RAPGEF4: variants seen among roughly 807,000 people sequenced by gnomAD.
The protein encoded by RAPGEF4 is Rap guanine nucleotide exchange factor 4.
In RAPGEF4, 66 loss-of-function variants were observed where a neutral mutation model predicts 147.9. That is an observed-to-expected ratio of 0.45 (90% CI 0.37 to 0.55). The LOEUF (loss-of-function observed/expected upper bound fraction) is 0.55, where lower values mean the gene tolerates loss of function less well. Among genes scored for constraint, RAPGEF4 ranks in the 20% least tolerant of loss-of-function variants. The pLI is 0.00. For synonymous variants in RAPGEF4, 419 were observed against 442.7 expected, an observed-to-expected ratio of 0.95 and a Z score of 0.67; for missense variants, 1,071 against 1,257.3, an observed-to-expected ratio of 0.85 and a Z score of 2.24.
chr2:172,917,841 T>C lies in RAPGEF4; in HGVS notation c.484T>C (p.Tyr162His). 6.2e-7 allele frequency: 1 copy of C among 1,613,870 alleles called. No homozygotes were observed. The highest frequency in any genetic ancestry group is 8.5e-7 in the Non-Finnish European group (1 of 1,179,776). Residue 162 changes from tyrosine (Y) to histidine (H), a missense_variant, in exon 5 of 31, where the codon TAT (tyrosine) becomes CAT (histidine). Coordinates refer to ENST00000397081, the MANE Select transcript of RAPGEF4 (RefSeq NM_007023.4). ...TATGGCAGGACTTCTGGCTCCTCCTTATGGTGTTATGGAAACGGGCTCTAA... is the reference window on the plus strand; with the variant it reads ...TATGGCAGGACTTCTGGCTCCTCCTCATGGTGTTATGGAAACGGGCTCTAA... ...QYMAGLLAPP[Y>H]GVMETGSNND...
chr2:172,859,957 G>A (rs545600160), intron 4 of RAPGEF4: 100 of 880,454 alleles, frequency 1.1e-4, no homozygotes, highest in East Asian at 1.2e-4. Context: ...ATCCTTGTCC[G>A]GGAGTGACTG....
chr2:173,051,575 AG>A, intron 30 of RAPGEF4, 64 bp from the exon 31 acceptor site: 1 of 1,493,806 alleles, frequency 6.7e-7, no homozygotes, highest in Non-Finnish European at 9.1e-7. Flanking sequence ...TAATTGGAGA[AG>A]TAAGATTGTA....
intron 29 of RAPGEF4, among the ~76,000 whole-genome samples, chr2:173,044,372 C>A (rs1041678322): frequency 1.5e-4 from 23 of 152,142 alleles, no homozygotes; most frequent in African/African-American, 5.6e-4. Context: ...GGGTGGTGAC[C>A]AAGGCTGGGA....
intron 4 of RAPGEF4, among the ~76,000 whole-genome samples, chr2:172,823,849 T>G (rs1448472591): frequency 6.6e-6 from 1 of 152,238 alleles, no homozygotes; most frequent in African/African-American, 2.4e-5. Context: ...GGCCTGAGAT[T>G]CTGGTCTATT....
intron 1 of RAPGEF4, among the ~76,000 whole-genome samples, chr2:172,766,066 C>G (rs761320087): frequency 6.6e-6 from 1 of 151,904 alleles, no homozygotes; most frequent in African/African-American, 2.4e-5. Context: ...AGTTCTTGTC[C>G]CTTAAAAATG....
intron 6 of RAPGEF4, among the ~76,000 whole-genome samples, chr2:172,936,478 A>G (rs1402934790): frequency 6.6e-6 from 1 of 152,192 alleles, no homozygotes; most frequent in Non-Finnish European, 1.5e-5. Context: ...CACTGTATAT[A>G]TAGTTTCATA....
At chr2:172,817,975 T>TAC (rs1419084205) in intron 4 of RAPGEF4, among the ~76,000 whole-genome samples, 34 of 148,224 alleles carry the variant, frequency 2.3e-4, no homozygotes, top group East Asian at 3.9e-4. Context: ...TATATATATA[T>TAC]ACACACACAC....
At chr2:172,875,286 C>T (rs1188609723) in intron 4 of RAPGEF4, among the ~76,000 whole-genome samples, 1 of 152,066 alleles carries the variant, frequency 6.6e-6, no homozygotes, top group East Asian at 1.9e-4. Flanking sequence ...CTTTTGTTGC[C>T]ATCGCTTTTG....
In RAPGEF4 at chr2:172,893,348, A is replaced by C. The variant is rs547627373; in HGVS notation, c.445-24454A>C. On this transcript the variant is annotated intron_variant, in intron 4 of 30. Coordinates refer to ENST00000397081, the MANE Select transcript of RAPGEF4 (RefSeq NM_007023.4). ...CTGGGGCCCAGTTGGAGGCTAACTT[A>C]GAATCAGGAGATGAAAGCGGCCACC... Among the ~76,000 whole-genome samples, 88 of 152,348 alleles carry C rather than the reference A, an allele frequency of 5.8e-4. 1 individual carries two copies. Among genetic ancestry groups the C allele is most frequent in the African/African-American group, 1.7e-3 (72 of 41,592 alleles).
intron 1 of RAPGEF4, among the ~76,000 whole-genome samples, chr2:172,745,531 C>G (rs1455559303): frequency 1.3e-5 from 2 of 151,550 alleles, no homozygotes; most frequent in African/African-American, 4.8e-5. Context: ...AGTTGATTTA[C>G]TGTTTTCTTT....
intron 4 of RAPGEF4, among the ~76,000 whole-genome samples, chr2:172,865,911 A>G (rs1210345482): frequency 6.6e-6 from 1 of 151,930 alleles, no homozygotes; most frequent in Non-Finnish European, 1.5e-5. Context: ...ATTTGTACAA[A>G]TCCATTTCTA....
At chr2:172,911,141 C>T (rs965389873) in intron 4 of RAPGEF4, among the ~76,000 whole-genome samples, 3 of 152,182 alleles carry the variant, frequency 2.0e-5, no homozygotes, top group Non-Finnish European at 4.4e-5. Flanking sequence ...AGTCCAGGAT[C>T]CCATCAGCTA....
chr2:173,014,815 A>T (rs1338903981), intron 18 of RAPGEF4, among the ~76,000 whole-genome samples: 1 of 152,214 alleles, frequency 6.6e-6, no homozygotes. Context: ...CCTAATGGGT[A>T]GCATTTTCAT....
rs541699296 is a variant in RAPGEF4, at chr2:172,838,483, C to T, written c.444+24058C>T. 5.3e-5 allele frequency among the ~76,000 whole-genome samples: 8 copies of T among 152,156 alleles called. No individual in the cohort carries two copies. The South Asian group carries it at 1.7e-3, about 32-fold the overall frequency. ...CAGCTTTTGGATATTTGATTTATGA[C>T]TAAAAGGAAAGGATCCAGAAGCAGC... On this transcript the variant is annotated intron_variant, in intron 4 of 30. Coordinates refer to ENST00000397081, the MANE Select transcript of RAPGEF4 (RefSeq NM_007023.4).
chr2:172,811,718 T>G (rs1180638121), intron 3 of RAPGEF4, among the ~76,000 whole-genome samples: 1 of 152,244 alleles, frequency 6.6e-6, no homozygotes, highest in Non-Finnish European at 1.5e-5. Flanking sequence ...TAGATGTTAG[T>G]GTGGATATCT....
At chr2:172,919,563 C>T (rs1684493282) in intron 5 of RAPGEF4, among the ~76,000 whole-genome samples, 1 of 152,026 alleles carries the variant, frequency 6.6e-6, no homozygotes, top group Admixed American at 6.6e-5. Context: ...TTAGCCATGG[C>T]TTCTTTTCTC....
In RAPGEF4 at chr2:173,030,228, G is replaced by C. The variant is rs1406028409; in HGVS notation, c.2623G>C (p.Val875Leu). ...CGTCATGGGACTAAGTAACGTTGCT[G>C]TGAGCCGCTTGGCACTAACGTGGGA... ...AIVMGLSNVA[V>L]SRLALTWEKL... Residue 875 changes from valine (V) to leucine (L), a missense_variant, in exon 26 of 31, where the codon GTG (valine) becomes CTG (leucine). By Grantham distance (32) the Val-to-Leu change is conservative (BLOSUM62 1). Transcript: ENST00000397081. 6.2e-7 allele frequency: 1 copy of C among 1,613,552 alleles called. No homozygotes were observed. The highest frequency in any genetic ancestry group is 8.5e-7 in the Non-Finnish European group (1 of 1,179,484).
chr2:172,765,529 C>T (rs1188445990), intron 1 of RAPGEF4, among the ~76,000 whole-genome samples: 1 of 152,212 alleles, frequency 6.6e-6, no homozygotes, highest in Non-Finnish European at 1.5e-5. Context: ...GTCTTGCCAT[C>T]TCTCACACAC....
At chr2:172,777,758 C>A (rs187230284) in intron 1 of RAPGEF4, among the ~76,000 whole-genome samples, 1 of 152,244 alleles carries the variant, frequency 6.6e-6, no homozygotes, top group African/African-American at 2.4e-5. Flanking sequence ...GAAAGTGTTT[C>A]CAGGCAAAAT....
Sources: allele counts gnomAD v4.1 joint callset (sites outside exome capture counted in the v4.1 genomes callset), GRCh38; gene constraint gnomAD v4.1.1; transcripts MANE v1.5; gene names NCBI Gene and HGNC (gene_info 2026-07-23, HGNC 2026-07-21).